CCL28: variants seen among roughly 807,000 people sequenced by gnomAD.
The protein encoded by CCL28 is C-C motif chemokine ligand 28.
CCL28 carries 4 observed loss-of-function variants against 7.1 expected under a neutral mutation model. That is an observed-to-expected ratio of 0.56 (90% CI 0.28 to 1.29). CCL28 has a LOEUF of 1.29. Ranked by LOEUF, CCL28 falls within the 50% of genes most tolerant of loss-of-function variation. CCL28 has a pLI of 0.11. For missense variants in CCL28, 151 were observed against 163.4 expected (o/e 0.92, Z 0.41); for synonymous variants, 55 against 57.8 (o/e 0.95, Z 0.22).
chr5:43,381,920 C>T lies in CCL28; in HGVS notation c.324G>A (p.Arg108=), dbSNP rs1445576866. 1.9e-6 allele frequency: 3 copies of T among 1,613,938 alleles called. No homozygotes were observed. Among genetic ancestry groups the T allele is most frequent in the Non-Finnish European group, 2.5e-6 (3 of 1,180,006 alleles). The part of the protein sequence containing the change: ...VCHRKKHHGK[R]NSNRAHQGKH... ...TCCCCTGATGTGCCCTGTTACTGTT[C>T]CTCTTGCCATGGTGTTTCTTCCTGT... is the stretch of plus-strand genomic sequence containing the variant. The change falls in exon 3 of 3, where the codon AGG becomes AGA. Residue 108 remains arginine (R), a synonymous_variant. Coordinates refer to ENST00000361115, the MANE Select transcript of CCL28 (RefSeq NM_148672.3).
chr5:43,404,747 C>T (rs769479552), intron 1 of CCL28, among the ~76,000 whole-genome samples: 9 of 152,060 alleles, frequency 5.9e-5, no homozygotes, highest in South Asian at 2.1e-4. Context: ...CATCAGTGTG[C>T]GCTGCATTCA....
At chr5:43,382,933 C>T (rs1187888477) in intron 2 of CCL28, among the ~76,000 whole-genome samples, 1 of 152,060 alleles carries the variant, frequency 6.6e-6, no homozygotes, top group African/African-American at 2.4e-5. Context: ...ATTCTTCTGC[C>T]TCAGCCTCCC....
At chr5:43,399,614 A>G (rs1740949245) in intron 1 of CCL28, among the ~76,000 whole-genome samples, 2 of 152,266 alleles carry the variant, frequency 1.3e-5, no homozygotes, top group South Asian at 4.1e-4. Context: ...TTAATGTCCA[A>G]AATATTTTTG....
At chr5:43,385,143 T>C (rs1740288266) in intron 2 of CCL28, among the ~76,000 whole-genome samples, 2 of 152,284 alleles carry the variant, frequency 1.3e-5, no homozygotes, top group African/African-American at 4.8e-5. Flanking sequence ...GTGATCCGCC[T>C]GCCTCGGCCT....
At chr5:43,388,224 C>T (rs1740418447) in intron 2 of CCL28, 126 bp downstream of exon 2, 3 of 1,225,206 alleles carry the variant, frequency 2.4e-6, no homozygotes, top group Admixed American at 4.4e-5. Flanking sequence ...AATATTTACT[C>T]TTCCCTCCCT....
the CCL28 span, among the ~76,000 whole-genome samples, chr5:43,361,335 C>T: frequency 9.8e-4 from 149 of 152,234 alleles, no homozygotes; most frequent in African/African-American, 3.4e-3. Flanking sequence ...GATAGCCATT[C>T]TTTCTGGAGT....
intron 1 of CCL28, among the ~76,000 whole-genome samples, chr5:43,391,358 A>T (rs1458792817): frequency 6.6e-6 from 1 of 152,248 alleles, no homozygotes; most frequent in Non-Finnish European, 1.5e-5. Context: ...TGACATGAAA[A>T]GTATTTTGAG....
intron 1 of CCL28, among the ~76,000 whole-genome samples, chr5:43,404,623 GCAT>G (rs1428205351): frequency 3.9e-5 from 6 of 152,130 alleles, no homozygotes; most frequent in African/African-American, 1.2e-4. Context: ...TAACCAGCTA[GCAT>G]CATAATGACA....
the CCL28 span, among the ~76,000 whole-genome samples, chr5:43,369,506 C>A: frequency 6.6e-6 from 1 of 152,092 alleles, no homozygotes; most frequent in African/African-American, 2.4e-5. Flanking sequence ...CTCACTGCAA[C>A]CTCCGCCTCC....
chr5:43,403,219 G>A (rs190505195), intron 1 of CCL28, among the ~76,000 whole-genome samples: 241 of 152,322 alleles, frequency 1.6e-3, no homozygotes, highest in African/African-American at 5.7e-3. Flanking sequence ...ATCCTCAAGT[G>A]GGTCCCTGAC....
chr5:43,368,694 T>A, the CCL28 span, among the ~76,000 whole-genome samples: 1 of 152,014 alleles, frequency 6.6e-6, no homozygotes, highest in Non-Finnish European at 1.5e-5. Context: ...ATGACTGAGG[T>A]CTTCATATAA....
chr5:43,362,903 G>A, the CCL28 span, among the ~76,000 whole-genome samples: 4 of 152,146 alleles, frequency 2.6e-5, no homozygotes, highest in African/African-American at 9.7e-5. Context: ...TGTCCTTTCA[G>A]GGAATCAGAA....
chr5:43,399,370 T>C (rs530704410), intron 1 of CCL28, among the ~76,000 whole-genome samples: 4 of 152,202 alleles, frequency 2.6e-5, no homozygotes, highest in South Asian at 4.1e-4. Context: ...ATTTTGTCAT[T>C]TCCCCATTTG....
At chr5:43,402,927 T>A (rs549551571) in intron 1 of CCL28, among the ~76,000 whole-genome samples, 1 of 152,302 alleles carries the variant, frequency 6.6e-6, no homozygotes, top group Admixed American at 6.5e-5. Flanking sequence ...CACAGCGGTC[T>A]GAGATTGAAC....
In CCL28 at chr5:43,382,165, T is replaced by C. The variant is rs770505560; in HGVS notation, c.192-113A>G. The C allele has an allele frequency of 5.3e-5, 47 of 886,550 alleles. No homozygotes were observed. The Middle Eastern group carries it at 1.1e-3, about 20-fold the overall frequency. The allele number at this position is 886,550 out of a possible 1,614,324, so 54.9% of individuals were successfully genotyped here. ...GACACTGTATTCCTAGAGACTAAAT[T>C]CAGACTAAATTTCTGAATTAAGTGT... On this transcript the variant is annotated intron_variant, in intron 2 of 2. Coordinates refer to ENST00000361115, the MANE Select transcript of CCL28 (RefSeq NM_148672.3).
rs1740035537 is a variant in CCL28 at position 43,379,906 on chromosome 5, G to A, written c.*1954C>T. The A allele has an allele frequency of 1.3e-5, 2 of 152,150 alleles. No homozygotes were observed. Among genetic ancestry groups the A allele is most frequent in the Non-Finnish European group, 2.9e-5 (2 of 68,050 alleles). The allele number at this position is 152,150 out of a possible 1,614,324, so 9.4% of individuals were successfully genotyped here. A position where few individuals can be genotyped will look rare whatever the true frequency, so the allele number is the denominator to read the frequency against. ...AGGCACAGGCGGGTGGTTCACTTGA[G>A]GTCAAGAGTTTGAGACCAGCCCGGC... On this transcript the variant is annotated 3_prime_UTR_variant, in exon 3 of 3. Transcript: ENST00000361115.
At chr5:43,399,613 A>G (rs1412663946) in intron 1 of CCL28, among the ~76,000 whole-genome samples, 1 of 152,190 alleles carries the variant, frequency 6.6e-6, no homozygotes, top group South Asian at 2.1e-4. Flanking sequence ...TTTAATGTCC[A>G]AAATATTTTT....
At chr5:43,369,581 C>T in the CCL28 span, among the ~76,000 whole-genome samples, 1 of 152,010 alleles carries the variant, frequency 6.6e-6, no homozygotes, top group African/African-American at 2.4e-5. Flanking sequence ...TGTGCCACCA[C>T]ACCCTGGCTA....
intron 1 of CCL28, among the ~76,000 whole-genome samples, chr5:43,405,390 A>G (rs1180389812): frequency 2.6e-5 from 4 of 152,260 alleles, no homozygotes; most frequent in East Asian, 3.8e-4. Flanking sequence ...CTGCTCATGA[A>G]TGACTACTGG....
Sources: gnomAD v4.1 joint callset for allele counts (sites outside exome capture counted in the v4.1 genomes callset) on GRCh38, gnomAD v4.1.1 for gene constraint, MANE v1.5 for transcripts, NCBI Gene and HGNC (gene_info 2026-07-23, HGNC 2026-07-21) for gene names.